Variants in NEK11 observed in about 807,000 individuals in gnomAD.
The protein encoded by NEK11 is NIMA related kinase 11, also known as serine/threonine-protein kinase Nek11.
In NEK11, 72 loss-of-function variants were observed where a neutral mutation model predicts 80.7. The observed-to-expected ratio is 0.89, with a 90% CI of 0.74 to 1.08. The LOEUF (loss-of-function observed/expected upper bound fraction) is 1.08, where lower values mean the gene tolerates loss of function less well. Among genes scored for constraint, NEK11 ranks in the 50% least tolerant of loss-of-function variants. The pLI, the probability that NEK11 is intolerant of heterozygous loss-of-function variation, is 0.00. For synonymous variants in NEK11, 251 were observed against 260.7 expected, an observed-to-expected ratio of 0.96 and a Z score of 0.36; for missense variants, 764 against 763.6, an observed-to-expected ratio of 1.00 and a Z score of -0.01.
chr3:131,062,073 A>G (rs188764280), intron 3 of NEK11, among the ~76,000 whole-genome samples: 143 of 152,374 alleles, frequency 9.4e-4, no homozygotes, highest in Middle Eastern at 3.4e-3. Flanking sequence ...AACAACAAAT[A>G]AAACCCAAAA....
At chr3:131,347,875 G>A (rs1177100856) in intron 17 of NEK11, among the ~76,000 whole-genome samples, 1 of 151,090 alleles carries the variant, frequency 6.6e-6, no homozygotes, top group African/African-American at 2.4e-5. Flanking sequence ...GGAGGCAGAG[G>A]ATGCAGTGAG....
chr3:131,061,527 AG>A (rs2148815496), intron 3 of NEK11, among the ~76,000 whole-genome samples: 1 of 152,192 alleles, frequency 6.6e-6, no homozygotes, highest in Admixed American at 6.5e-5. Context: ...TCTCTTCTCA[AG>A]GACAGTGTGT....
At chr3:131,140,262 T>C (rs546175206) in intron 7 of NEK11, among the ~76,000 whole-genome samples, 6 of 152,254 alleles carry the variant, frequency 3.9e-5, no homozygotes, top group Admixed American at 2.6e-4. Context: ...CCAACTACCC[T>C]GTTGTGAGGA....
At chr3:131,056,164 T>C (rs2069442026) in intron 3 of NEK11, among the ~76,000 whole-genome samples, 1 of 152,200 alleles carries the variant, frequency 6.6e-6, no homozygotes, top group African/African-American at 2.4e-5. Flanking sequence ...TTCAGGTCTC[T>C]GGGCTGGTTC....
chr3:131,166,614 A>G (rs961699663), intron 12 of NEK11, among the ~76,000 whole-genome samples: 1 of 152,162 alleles, frequency 6.6e-6, no homozygotes, highest in Non-Finnish European at 1.5e-5. Context: ...TGATGGTAAT[A>G]TGTGCTCAAT....
At chr3:131,085,516 G>C (rs939556508) in intron 4 of NEK11, among the ~76,000 whole-genome samples, 2 of 152,130 alleles carry the variant, frequency 1.3e-5, no homozygotes, top group African/African-American at 4.8e-5. Flanking sequence ...AAAGTGCTGT[G>C]GGGGTAATAG....
At chr3:131,309,199 C>T (rs113065763) in intron 17 of NEK11, among the ~76,000 whole-genome samples, 1 of 152,116 alleles carries the variant, frequency 6.6e-6, no homozygotes, top group Admixed American at 6.5e-5. Flanking sequence ...GTTTGTTTGG[C>T]CTGTATCACT....
At chr3:131,129,084 C>T (rs1432090372) in intron 5 of NEK11, among the ~76,000 whole-genome samples, 14 of 118,988 alleles carry the variant, frequency 1.2e-4, no homozygotes, top group East Asian at 5.3e-4. Context: ...GACTGAGTCT[C>T]GCTCTGTCAC....
chr3:131,164,768 A>G (rs1466863484), intron 11 of NEK11, among the ~76,000 whole-genome samples: 2 of 152,180 alleles, frequency 1.3e-5, no homozygotes, highest in Admixed American at 6.5e-5. Flanking sequence ...AAGGGGGATC[A>G]TGTGTTTTAG....
rs1349326546 is a variant in NEK11 at position 131,029,738 on chromosome 3, TG to T, written c.31del (p.Val11Ter). The T allele has an allele frequency of 6.2e-7, 1 of 1,614,094 alleles. No individual in the cohort carries two copies. The highest frequency in any genetic ancestry group is 1.3e-5 in the African/African-American group (1 of 74,928). MLKFQEAAKC[V>X]SGSTAISTYP... Reference sequence around the variant, plus strand: ...TGAAATTCCAAGAGGCAGCTAAGTGTGTGAGTGGATCAACAGCCATTTCCAC... The same window carrying T: ...TGAAATTCCAAGAGGCAGCTAAGTGTTGAGTGGATCAACAGCCATTTCCAC... On this transcript the variant is annotated frameshift_variant, in exon 3 of 18. Transcript: ENST00000383366. LOFTEE classifies it high-confidence loss of function.
At chr3:131,153,457 G>A (rs2090059862) in intron 9 of NEK11, among the ~76,000 whole-genome samples, 1 of 151,906 alleles carries the variant, frequency 6.6e-6, no homozygotes, top group African/African-American at 2.4e-5. Context: ...TGTGTCTCAG[G>A]TATTAAGAAA....
At chr3:131,092,976 C>T (rs978651750) in intron 4 of NEK11, 2 of 152,160 alleles carry the variant, frequency 1.3e-5, no homozygotes, top group African/African-American at 2.4e-5. Flanking sequence ...GAACAATGTT[C>T]AGTTTCCAGT....
At chr3:131,158,194 G>A (rs372758710) in intron 10 of NEK11, among the ~76,000 whole-genome samples, 7 of 152,170 alleles carry the variant, frequency 4.6e-5, no homozygotes, top group African/African-American at 1.4e-4. Flanking sequence ...CATAGCTCCC[G>A]TACTGCTGAG....
intron 7 of NEK11, among the ~76,000 whole-genome samples, chr3:131,137,783 G>C (rs1231079610): frequency 6.6e-6 from 1 of 152,122 alleles, no homozygotes; most frequent in East Asian, 1.9e-4. Flanking sequence ...TATTGATGGA[G>C]GAGGGGCAGT....
chr3:131,214,944 T>C (rs1277608512), intron 14 of NEK11, among the ~76,000 whole-genome samples: 2 of 152,140 alleles, frequency 1.3e-5, no homozygotes, highest in South Asian at 2.1e-4. Flanking sequence ...ATCAATGTAG[T>C]TAAATTTAGC....
At chr3:131,045,881 T>C (rs1392002010) in intron 3 of NEK11, among the ~76,000 whole-genome samples, 1 of 152,192 alleles carries the variant, frequency 6.6e-6, no homozygotes, top group Non-Finnish European at 1.5e-5. Flanking sequence ...CCTTTTTAAC[T>C]GCTGTTGTTT....
chr3:131,111,024 A>C lies in NEK11; in HGVS notation c.455+1103A>C, dbSNP rs541939325. 5.9e-5 allele frequency among the ~76,000 whole-genome samples: 9 copies of C among 152,304 alleles called. No homozygotes were observed. In the South Asian group the frequency reaches 1.2e-3, roughly 21 times the overall value. ...GACTGTAAAACTTCTGTGTACATACATTTATATTGGTATTTCTTTTATTTC... is the reference window on the plus strand; with the variant it reads ...GACTGTAAAACTTCTGTGTACATACCTTTATATTGGTATTTCTTTTATTTC... On this transcript the variant is annotated intron_variant, in intron 5 of 17. Coordinates refer to ENST00000383366, the MANE Select transcript of NEK11 (RefSeq NM_024800.5).
chr3:131,267,854 T>C (rs1418695783), intron 16 of NEK11, among the ~76,000 whole-genome samples: 1 of 152,198 alleles, frequency 6.6e-6, no homozygotes, highest in African/African-American at 2.4e-5. Flanking sequence ...CTGGATAATA[T>C]CCTGAAATGT....
intron 14 of NEK11, among the ~76,000 whole-genome samples, chr3:131,188,081 G>C (rs2093662922): frequency 6.6e-6 from 1 of 152,128 alleles, no homozygotes; most frequent in South Asian, 2.1e-4. Context: ...ACTGGGACTA[G>C]AGCTGGCCTG....
Sources: gnomAD v4.1 joint callset for allele counts (sites outside exome capture counted in the v4.1 genomes callset) on GRCh38, gnomAD v4.1.1 for gene constraint, MANE v1.5 for transcripts, NCBI Gene and HGNC (gene_info 2026-07-23, HGNC 2026-07-21) for gene names.